Variants in ZNF804B observed in about 807,000 individuals in gnomAD.
ZNF804B encodes the protein zinc finger protein 804B, also known as zinc finger 804B.
ZNF804B carries 80 observed loss-of-function variants against 101.4 expected under a neutral mutation model. The ratio of observed to expected loss-of-function variants is 0.79; its 90% CI spans 0.66 to 0.95. The LOEUF (loss-of-function observed/expected upper bound fraction) is 0.95. Ranked by LOEUF, ZNF804B falls within the 40% of genes least tolerant of loss-of-function variation. The pLI is 0.00. For missense variants in ZNF804B, 1,673 were observed against 1,561.9 expected (o/e 1.07, Z -1.20); for synonymous variants, 622 against 558.8 (o/e 1.11, Z -1.59).
At chr7:88,802,714 G>T (rs1477057652) in intron 1 of ZNF804B, among the ~76,000 whole-genome samples, 1 of 145,870 alleles carries the variant, frequency 6.9e-6, no homozygotes, top group Admixed American at 7.0e-5. Context: ...AAACCATAAT[G>T]AACAGGAAAA....
At chr7:89,269,635 C>T (rs534785354) in intron 2 of ZNF804B, among the ~76,000 whole-genome samples, 1 of 152,174 alleles carries the variant, frequency 6.6e-6, no homozygotes, top group African/African-American at 2.4e-5. Flanking sequence ...TGAGGAATCG[C>T]CACACTGACT....
intron 2 of ZNF804B, among the ~76,000 whole-genome samples, chr7:89,280,563 T>C (rs563687535): frequency 2.0e-5 from 3 of 152,204 alleles, no homozygotes; most frequent in African/African-American, 7.2e-5. Context: ...TAAAAAATGA[T>C]AAAGGGGATA....
chr7:89,171,350 T>TTCCTCCTCTTCC (rs1791228224), intron 1 of ZNF804B, among the ~76,000 whole-genome samples: 1 of 112,566 alleles, frequency 8.9e-6, no homozygotes, highest in Non-Finnish European at 1.9e-5. Flanking sequence ...CTTCTTCTTC[T>TTCCTCCTCTTCC]TCTTCTTCCT....
At chr7:89,200,895 A>C (rs1788622191) in intron 1 of ZNF804B, among the ~76,000 whole-genome samples, 1 of 151,866 alleles carries the variant, frequency 6.6e-6, no homozygotes, top group Non-Finnish European at 1.5e-5. Context: ...TGTTTTCATC[A>C]TACTTCTCAT....
chr7:89,310,434 A>T lies in ZNF804B; in HGVS notation c.250-16910A>T, dbSNP rs138794424. ...ATAAGATGAACATGATCTAAAATTC[A>T]ATTTTACACCAGAGTCTAATTTCAT... On this transcript the variant is annotated intron_variant, in intron 2 of 3. Transcript: ENST00000333190. Among the ~76,000 whole-genome samples the T allele has an allele frequency of 2.3e-3, 350 of 152,236 alleles. 2 individuals are homozygous for T. Among genetic ancestry groups the T allele is most frequent in the African/African-American group, 8.2e-3 (339 of 41,548 alleles).
At chr7:88,845,658 A>T (rs1454002434) in intron 1 of ZNF804B, among the ~76,000 whole-genome samples, 2 of 151,300 alleles carry the variant, frequency 1.3e-5, no homozygotes, top group Admixed American at 6.6e-5. Flanking sequence ...ATGAGACAGG[A>T]TCTCACTTCC....
chr7:89,336,071 T>G lies in ZNF804B; in HGVS notation c.3089T>G (p.Ile1030Arg). The stretch of plus-strand genomic sequence containing the variant: ...TGTGATAACCATCTTTCTAAAGGTA[T>G]AATTCACCTAGTAACAGAGTCTCAG... ...TDCDNHLSKGIIHLVTESQSL... is the reference protein window; with the variant it reads ...TDCDNHLSKGRIHLVTESQSL... The change falls in exon 4 of 4, where the codon ATA becomes AGA. Residue 1030 changes from isoleucine (I) to arginine (R), a missense_variant. By Grantham distance (97) the Ile-to-Arg change is moderately conservative. Transcript: ENST00000333190. The G allele has an allele frequency of 6.2e-7, 1 of 1,614,000 alleles. No individual in the cohort carries two copies. The highest frequency in any genetic ancestry group is 8.5e-7 in the Non-Finnish European group (1 of 1,179,996).
At chr7:88,777,006 C>G (rs1053484237) in intron 1 of ZNF804B, among the ~76,000 whole-genome samples, 10 of 152,040 alleles carry the variant, frequency 6.6e-5, no homozygotes, top group Non-Finnish European at 1.2e-4. Context: ...CACTATTGCC[C>G]CTAGAGCTGG....
At chr7:88,873,371 C>T (rs1328166303) in intron 1 of ZNF804B, among the ~76,000 whole-genome samples, 2 of 152,002 alleles carry the variant, frequency 1.3e-5, no homozygotes, top group African/African-American at 2.4e-5. Flanking sequence ...TGATATTAGC[C>T]CTTTGTCAGA....
intron 1 of ZNF804B, among the ~76,000 whole-genome samples, chr7:88,863,624 A>C (rs1015607564): frequency 2.0e-5 from 3 of 152,248 alleles, no homozygotes; most frequent in African/African-American, 7.2e-5. Context: ...GAAATAAAAC[A>C]AGGTGATTTG....
chr7:89,149,639 T>C (rs1348156141), intron 1 of ZNF804B, among the ~76,000 whole-genome samples: 1 of 152,038 alleles, frequency 6.6e-6, no homozygotes, highest in African/African-American at 2.4e-5. Flanking sequence ...AAGAGTTTCA[T>C]TACTTAACAT....
At chr7:89,160,737 A>C (rs1185765487) in intron 1 of ZNF804B, among the ~76,000 whole-genome samples, 3 of 152,082 alleles carry the variant, frequency 2.0e-5, no homozygotes, top group Non-Finnish European at 1.5e-5. Context: ...ATATCTCCTA[A>C]AATAGTCATT....
At chr7:89,262,903 C>T (rs1018755398) in intron 2 of ZNF804B, among the ~76,000 whole-genome samples, 4 of 152,148 alleles carry the variant, frequency 2.6e-5, no homozygotes, top group South Asian at 2.1e-4. Context: ...ACACTTTTTG[C>T]TAACTCTTTC....
At chr7:88,946,236 C>T (rs1221768694) in intron 1 of ZNF804B, among the ~76,000 whole-genome samples, 1 of 151,760 alleles carries the variant, frequency 6.6e-6, no homozygotes, top group African/African-American at 2.4e-5. Context: ...TCATAAATAG[C>T]TCTTATTATT....
chr7:89,026,129 T>C (rs1788747537), intron 1 of ZNF804B, among the ~76,000 whole-genome samples: 1 of 152,122 alleles, frequency 6.6e-6, no homozygotes, highest in Non-Finnish European at 1.5e-5. Flanking sequence ...GTGCTAAGCA[T>C]TGGTAATTTA....
chr7:88,795,051 C>CAAAAAAAAA (rs35996371), intron 1 of ZNF804B: 1 of 688,776 alleles, frequency 1.5e-6, no homozygotes, highest in Non-Finnish European at 2.2e-6. Flanking sequence ...TTTCTTCTGA[C>CAAAAAAAAA]AAAAAAAAAA....
intron 1 of ZNF804B, among the ~76,000 whole-genome samples, chr7:88,937,272 AACAG>A (rs1792987358): frequency 1.3e-5 from 2 of 152,102 alleles, no homozygotes; most frequent in Non-Finnish European, 2.9e-5. Flanking sequence ...AGATACCGGC[AACAG>A]GACTGTAGGC....
intron 1 of ZNF804B, among the ~76,000 whole-genome samples, chr7:89,077,018 C>T (rs1400854342): frequency 1.3e-5 from 2 of 151,812 alleles, no homozygotes; most frequent in Non-Finnish European, 2.9e-5. Context: ...ACATAATCTG[C>T]AGGGTCAGAG....
At chr7:88,847,587 T>A (rs1791394781) in intron 1 of ZNF804B, among the ~76,000 whole-genome samples, 1 of 152,164 alleles carries the variant, frequency 6.6e-6, no homozygotes, top group Admixed American at 6.5e-5. Context: ...ATTAAAGTTA[T>A]CTAAATGTGG....
Sources: allele counts gnomAD v4.1 joint callset (sites outside exome capture counted in the v4.1 genomes callset), GRCh38; gene constraint gnomAD v4.1.1; transcripts MANE v1.5; gene names NCBI Gene and HGNC (gene_info 2026-07-23, HGNC 2026-07-21).